Variants in LRBA observed in about 807,000 individuals in gnomAD.
LRBA encodes lipopolysaccharide-responsive and beige-like anchor protein.
A neutral mutation model predicts 330.0 loss-of-function variants in LRBA; 176 were observed. That is an observed-to-expected ratio of 0.53 (90% CI 0.47 to 0.60). LRBA has a LOEUF of 0.60. Ranked by LOEUF, LRBA falls within the 20% of genes least tolerant of loss-of-function variation. The probability of loss-of-function intolerance (pLI) is 0.00; values close to 1 mark genes in which losing one functional copy is unlikely to be tolerated. For synonymous variants in LRBA, 1,230 were observed against 1,193.0 expected (o/e 1.03, Z -0.64); for missense variants, 3,259 against 3,444.8 (o/e 0.95, Z 1.35).
At chr4:150,544,403 CT>C (rs1332591278) in intron 40 of LRBA, among the ~76,000 whole-genome samples, 1 of 152,148 alleles carries the variant, frequency 6.6e-6, no homozygotes, top group Non-Finnish European at 1.5e-5. Context: ...ATAATTCTTT[CT>C]ATTCCTCCAT....
rs759413669 is a variant in LRBA at position 150,487,800 on chromosome 4, T to C, written c.6483A>G (p.Thr2161=). 1.3e-6 allele frequency: 2 copies of C among 1,595,138 alleles called. No homozygotes were observed. Among genetic ancestry groups the C allele is most frequent in the Admixed American group, 3.4e-5 (2 of 59,668 alleles). The change falls in exon 42 of 57, where the codon ACA becomes ACG. Residue 2161 remains threonine (T), a synonymous_variant. Coordinates refer to ENST00000651943, the MANE Select transcript of LRBA (RefSeq NM_001364905.1). ...AVMFNFPDPA[T]VKKVVNYLPR... ...GTAGATAGTTAACCACTTTCTTTAC[T>C]GTTGCAGGGTCTGGGAAGTTGAACA...
chr4:150,620,462 T>G (rs574307992), intron 37 of LRBA, among the ~76,000 whole-genome samples: 2 of 152,256 alleles, frequency 1.3e-5, no homozygotes, highest in South Asian at 2.1e-4. Context: ...TGGGTATCTA[T>G]CTGAAGGGAA....
intron 40 of LRBA, among the ~76,000 whole-genome samples, chr4:150,564,163 G>A (rs1427265022): frequency 6.6e-6 from 1 of 152,138 alleles, no homozygotes; most frequent in Non-Finnish European, 1.5e-5. Flanking sequence ...AACCAAAACA[G>A]CATGGTACTG....
chr4:150,419,947 T>C (rs1581253905), intron 46 of LRBA, among the ~76,000 whole-genome samples: 1 of 149,710 alleles, frequency 6.7e-6, no homozygotes, highest in East Asian at 2.0e-4. Flanking sequence ...CATGATAATA[T>C]ATGTCTAGCC....
chr4:150,479,226 G>T (rs548511462), intron 42 of LRBA, among the ~76,000 whole-genome samples: 1 of 152,072 alleles, frequency 6.6e-6, no homozygotes, highest in South Asian at 2.1e-4. Flanking sequence ...TGCCGTGATT[G>T]TACCACTGCA....
At position 150,916,069 on chromosome 4, in the gene LRBA, C is replaced by G. The variant is rs555825187; in HGVS notation, c.894+332G>C. On this transcript the variant is annotated intron_variant, in intron 7 of 56. Transcript: ENST00000651943. ...ATATTTGCTTAATCTATCTGACTAC[C>G]TATCTACTTATACATTTTGTTGATG... Among the ~76,000 whole-genome samples the G allele has an allele frequency of 4.6e-5, 7 of 152,176 alleles. No individual in the cohort carries two copies. The East Asian group carries it at 1.3e-3, about 29-fold the overall frequency.
At chr4:150,774,959 A>G (rs953564856) in intron 34 of LRBA, among the ~76,000 whole-genome samples, 1 of 152,162 alleles carries the variant, frequency 6.6e-6, no homozygotes, top group African/African-American at 2.4e-5. Context: ...ACCATGATCA[A>G]TTCACCAATG....
chr4:151,001,054 A>G (rs1743268500), intron 2 of LRBA, among the ~76,000 whole-genome samples: 1 of 152,156 alleles, frequency 6.6e-6, no homozygotes, highest in African/African-American at 2.4e-5. Context: ...ATGGTGCAAC[A>G]GCACCACTCC....
intron 47 of LRBA, 85 bp from the exon 48 acceptor site, chr4:150,350,244 A>C (rs1446339667): frequency 9.5e-7 from 1 of 1,051,038 alleles, no homozygotes; most frequent in East Asian, 2.8e-5. Flanking sequence ...GTAAAGTTTA[A>C]CACTAACTTT....
chr4:150,411,431 G>A (rs1313114420), intron 47 of LRBA, among the ~76,000 whole-genome samples: 1 of 152,130 alleles, frequency 6.6e-6, no homozygotes, highest in African/African-American at 2.4e-5. Context: ...AAAAAGACAT[G>A]CTGGGTATCT....
At chr4:150,537,952 C>T (rs1764858205) in intron 40 of LRBA, among the ~76,000 whole-genome samples, 1 of 151,476 alleles carries the variant, frequency 6.6e-6, no homozygotes, top group South Asian at 2.1e-4. Flanking sequence ...GAGACTCTGT[C>T]TCAAAAAAAA....
At chr4:150,502,459 T>C (rs2152119220) in intron 40 of LRBA, among the ~76,000 whole-genome samples, 1 of 152,320 alleles carries the variant, frequency 6.6e-6, no homozygotes, top group East Asian at 1.9e-4. Flanking sequence ...AATTCATAAT[T>C]ACTGGGCCTG....
intron 40 of LRBA, among the ~76,000 whole-genome samples, chr4:150,520,523 A>T (rs1762812274): frequency 6.6e-6 from 1 of 152,194 alleles, no homozygotes; most frequent in Non-Finnish European, 1.5e-5. Context: ...AATTGTTCAT[A>T]GAAAAAACAA....
chr4:150,348,559 T>C (rs1186424675), intron 48 of LRBA, among the ~76,000 whole-genome samples: 2 of 152,256 alleles, frequency 1.3e-5, no homozygotes, highest in East Asian at 3.9e-4. Flanking sequence ...AAAAACAATA[T>C]GCTGGTATAT....
chr4:150,426,408 T>A (rs1012779587), intron 46 of LRBA, among the ~76,000 whole-genome samples: 1 of 151,978 alleles, frequency 6.6e-6, no homozygotes, highest in Non-Finnish European at 1.5e-5. Flanking sequence ...ATAATCTATT[T>A]CAATCTGATA....
intron 9 of LRBA, among the ~76,000 whole-genome samples, chr4:150,909,911 T>C (rs1731792376): frequency 6.6e-6 from 1 of 152,190 alleles, no homozygotes; most frequent in Non-Finnish European, 1.5e-5. Flanking sequence ...TAATGTCTAG[T>C]GATATTGAGC....
intron 52 of LRBA, among the ~76,000 whole-genome samples, chr4:150,307,762 A>G (rs1730550746): frequency 6.6e-6 from 1 of 151,860 alleles, no homozygotes; most frequent in Non-Finnish European, 1.5e-5. Flanking sequence ...AAATAGGCAG[A>G]AAAAAAAGAC....
At chr4:150,776,343 A>G (rs1316581603) in intron 34 of LRBA, among the ~76,000 whole-genome samples, 1 of 152,090 alleles carries the variant, frequency 6.6e-6, no homozygotes, top group Non-Finnish European at 1.5e-5. Flanking sequence ...AAGAAATAGT[A>G]ATTCAAGCAT....
At chr4:150,770,714 C>G (rs973864356) in intron 34 of LRBA, among the ~76,000 whole-genome samples, 4 of 151,998 alleles carry the variant, frequency 2.6e-5, no homozygotes, top group African/African-American at 9.7e-5. Flanking sequence ...CCTTTTTTCA[C>G]TGCCTATTCT....
Sources: allele counts gnomAD v4.1 joint callset (sites outside exome capture counted in the v4.1 genomes callset), GRCh38; gene constraint gnomAD v4.1.1; transcripts MANE v1.5; gene names NCBI Gene and HGNC (gene_info 2026-07-23, HGNC 2026-07-21).